The following LEKR1 variants were observed in gnomAD, a reference collection of about 807,000 sequenced individuals.
LEKR1 encodes the protein protein LEKR1.
LEKR1 carries 59 observed loss-of-function variants against 72.4 expected under a neutral mutation model. That is an observed-to-expected ratio of 0.82 (90% CI 0.66 to 1.01). The LOEUF is 1.01. LEKR1 is among the 50% of genes least tolerant of loss of function. The pLI is 0.00. For synonymous variants in LEKR1, 257 were observed against 263.2 expected (o/e 0.98, Z 0.23); for missense variants, 728 against 759.2 (o/e 0.96, Z 0.48).
chr3:156,896,002 C>T (rs1390824785), intron 3 of LEKR1, among the ~76,000 whole-genome samples: 4 of 152,204 alleles, frequency 2.6e-5, no homozygotes, highest in Admixed American at 2.0e-4. Flanking sequence ...ATGTGGTGCA[C>T]GTACACTGTG....
At chr3:156,969,374 G>A (rs1728939286) in intron 6 of LEKR1, among the ~76,000 whole-genome samples, 1 of 152,032 alleles carries the variant, frequency 6.6e-6, no homozygotes, top group African/African-American at 2.4e-5. Flanking sequence ...TAGACCCCTA[G>A]CAAGACTAAT....
At chr3:156,953,244 C>T (rs1576889521) in intron 6 of LEKR1, among the ~76,000 whole-genome samples, 1 of 151,138 alleles carries the variant, frequency 6.6e-6, no homozygotes, top group African/African-American at 2.4e-5. Context: ...TCTCATATAT[C>T]ACTCCCCCCA....
intron 3 of LEKR1, among the ~76,000 whole-genome samples, chr3:156,918,484 C>T (rs904418962): frequency 6.6e-6 from 1 of 152,026 alleles, no homozygotes; most frequent in African/African-American, 2.4e-5. Context: ...GCTTTCACCA[C>T]CATCATGGAC....
chr3:156,847,886 A>G (rs1560021841), intron 2 of LEKR1, among the ~76,000 whole-genome samples: 1 of 152,220 alleles, frequency 6.6e-6, no homozygotes, highest in Non-Finnish European at 1.5e-5. Flanking sequence ...CACATAAAAT[A>G]CATTTCAGCC....
chr3:157,044,895 T>C (rs1287676015), intron 12 of LEKR1, among the ~76,000 whole-genome samples: 1 of 152,242 alleles, frequency 6.6e-6, no homozygotes. Flanking sequence ...TATGTTATTA[T>C]AGTATACCTT....
intron 9 of LEKR1, among the ~76,000 whole-genome samples, chr3:157,010,476 T>C (rs934751211): frequency 8.5e-5 from 13 of 152,082 alleles, no homozygotes; most frequent in African/African-American, 3.1e-4. Flanking sequence ...TTGGTGTTGA[T>C]GGATCATTAG....
chr3:157,041,157 T>C (rs1735313601), intron 12 of LEKR1, among the ~76,000 whole-genome samples: 1 of 152,180 alleles, frequency 6.6e-6, no homozygotes, highest in Non-Finnish European at 1.5e-5. Flanking sequence ...GGGCTTATTC[T>C]GAAAATGTTG....
At chr3:156,951,177 A>G (rs189550235) in intron 6 of LEKR1, among the ~76,000 whole-genome samples, 44 of 151,750 alleles carry the variant, frequency 2.9e-4, no homozygotes, top group Non-Finnish European at 6.1e-4. Context: ...ATTGATTTGC[A>G]TATGTTGAAC....
intron 12 of LEKR1, among the ~76,000 whole-genome samples, chr3:157,044,687 G>T (rs1224935246): frequency 6.6e-6 from 1 of 152,114 alleles, no homozygotes; most frequent in East Asian, 1.9e-4. Flanking sequence ...CTAGTAACTT[G>T]GTAAATGATT....
chr3:156,826,736 T>G (rs1344721963), intron 1 of LEKR1: 2 of 155,534 alleles, frequency 1.3e-5, no homozygotes, highest in East Asian at 3.8e-4. Context: ...TGTCTGGCCT[T>G]GCGGTTGGTT....
intron 7 of LEKR1, among the ~76,000 whole-genome samples, chr3:156,983,300 G>A (rs941037605): frequency 1.3e-5 from 2 of 151,998 alleles, no homozygotes; most frequent in African/African-American, 4.8e-5. Context: ...GACCTTCCTC[G>A]GAATTAATTA....
intron 10 of LEKR1, among the ~76,000 whole-genome samples, chr3:157,020,728 G>A (rs370398394): frequency 7.8e-4 from 119 of 151,980 alleles, no homozygotes; most frequent in South Asian, 4.0e-3. Flanking sequence ...GAATAATGCC[G>A]CAGTAAACAT....
chr3:157,028,091 T>C lies in LEKR1; in HGVS notation c.1369-12T>C, dbSNP rs370546870. 34 of 1,528,952 alleles carry C rather than the reference T, an allele frequency of 2.2e-5. No homozygotes were observed. In the African/African-American group the frequency reaches 4.3e-4, roughly 19 times the overall value. The allele number at this position is 1,528,952 out of a possible 1,614,324, so 94.7% of individuals were successfully genotyped here. The stretch of plus-strand genomic sequence containing the variant: ...CTATCGCCTACAAGCTAATATGAGA[T>C]TTATCTTACAGATATCTGACTTAAT... On this transcript the variant is annotated splice_polypyrimidine_tract_variant and intron_variant, in intron 11 of 12. Coordinates refer to ENST00000356539, the MANE Select transcript of LEKR1 (RefSeq NM_001004316.3).
intron 9 of LEKR1, among the ~76,000 whole-genome samples, chr3:157,005,145 TATC>T (rs1181922330): frequency 7.9e-5 from 12 of 152,058 alleles, no homozygotes; most frequent in African/African-American, 2.9e-4. Context: ...AATACAGAAA[TATC>T]ATGAACAGCT....
intron 10 of LEKR1, among the ~76,000 whole-genome samples, chr3:157,015,645 G>T (rs1733252555): frequency 6.6e-6 from 1 of 152,154 alleles, no homozygotes; most frequent in South Asian, 2.1e-4. Flanking sequence ...ACCGAACAAG[G>T]TAAGTTAACA....
intron 3 of LEKR1, among the ~76,000 whole-genome samples, chr3:156,896,821 A>G (rs545170451): frequency 6.6e-6 from 1 of 152,358 alleles, no homozygotes; most frequent in East Asian, 1.9e-4. Context: ...AGTGGAATGC[A>G]TAAAGAAAAT....
intron 6 of LEKR1, among the ~76,000 whole-genome samples, chr3:156,952,186 T>A (rs986054963): frequency 6.6e-6 from 1 of 151,416 alleles, no homozygotes; most frequent in African/African-American, 2.4e-5. Context: ...ATATCCTGGA[T>A]TTTCCTCTCG....
chr3:156,982,868 TAGA>T (rs1730339884), intron 7 of LEKR1, among the ~76,000 whole-genome samples: 1 of 142,994 alleles, frequency 7.0e-6, no homozygotes, highest in South Asian at 2.2e-4. Flanking sequence ...GATAGATAGA[TAGA>T]TAGATAGATA....
chr3:156,854,703 G>T (rs1160899679), intron 3 of LEKR1, among the ~76,000 whole-genome samples: 1 of 151,240 alleles, frequency 6.6e-6, no homozygotes, highest in Non-Finnish European at 1.5e-5. Context: ...ACCATGCCTG[G>T]CTAATTTTTG....
Sources: allele counts gnomAD v4.1 joint callset (sites outside exome capture counted in the v4.1 genomes callset), GRCh38; gene constraint gnomAD v4.1.1; transcripts MANE v1.5; gene names NCBI Gene and HGNC (gene_info 2026-07-23, HGNC 2026-07-21).